Variants in NRG1 observed in about 807,000 individuals in gnomAD.
NRG1 encodes pro-neuregulin-1, membrane-bound isoform.
A neutral mutation model predicts 63.8 loss-of-function variants in NRG1; 18 were observed. That is an observed-to-expected ratio of 0.28 (90% confidence interval 0.19 to 0.42). The LOEUF (loss-of-function observed/expected upper bound fraction) is 0.42. NRG1 is among the 10% of genes least tolerant of loss of function. NRG1 has a pLI of 1.00. For synonymous variants in NRG1, 302 were observed against 301.3 expected (o/e 1.00, Z -0.02); for missense variants, 762 against 814.7 (o/e 0.94, Z 0.79).
chr8:32,091,082 A>G (rs1363976365), intron 1 of NRG1, among the ~76,000 whole-genome samples: 1 of 152,142 alleles, frequency 6.6e-6, no homozygotes, highest in Non-Finnish European at 1.5e-5. Context: ...GATCGAGACC[A>G]TCCTGGCTAA....
At chr8:32,339,810 T>TGTTGGA (rs1376411131) in intron 1 of NRG1, among the ~76,000 whole-genome samples, 15 of 152,300 alleles carry the variant, frequency 9.8e-5, no homozygotes, top group African/African-American at 3.6e-4. Flanking sequence ...CTCAGCTGGT[T>TGTTGGA]GTTGGAGGTT....
intron 1 of NRG1, among the ~76,000 whole-genome samples, chr8:32,401,543 A>G (rs1813204454): frequency 6.6e-6 from 1 of 152,138 alleles, no homozygotes; most frequent in Non-Finnish European, 1.5e-5. Flanking sequence ...ATTCGATGAA[A>G]TAGGCTGAAT....
At chr8:31,844,046 A>C (rs986487701) in intron 1 of NRG1, among the ~76,000 whole-genome samples, 1 of 152,324 alleles carries the variant, frequency 6.6e-6, no homozygotes, top group Non-Finnish European at 1.5e-5. Context: ...CCCAACAGCC[A>C]TATGATGTTG....
chr8:32,054,511 G>T (rs967125654), intron 1 of NRG1, among the ~76,000 whole-genome samples: 1 of 152,184 alleles, frequency 6.6e-6, no homozygotes, highest in African/African-American at 2.4e-5. Flanking sequence ...ACCCAAATGC[G>T]TATGTTAATC....
rs371888069 is a variant in NRG1 at position 32,540,364 on chromosome 8, T to C, written c.38-55464T>C. ...ATAAGAATCCTAGTATGTTGCTGAC[T>C]CTCAGCACTCTGCTTATTATTATGA... On this transcript the variant is annotated intron_variant, in intron 1 of 10. Coordinates refer to the NRG1 transcript ENST00000519301. Among the ~76,000 whole-genome samples, 5 of 152,334 alleles carry C rather than the reference T, an allele frequency of 3.3e-5. No homozygotes were observed. The East Asian group carries it at 7.7e-4, about 24-fold the overall frequency.
At chr8:31,827,421 C>T (rs958415356) in intron 1 of NRG1, among the ~76,000 whole-genome samples, 8 of 151,912 alleles carry the variant, frequency 5.3e-5, no homozygotes, top group African/African-American at 1.9e-4. Flanking sequence ...GTGAGGTGAT[C>T]CTCTCCTTCT....
intron 1 of NRG1, among the ~76,000 whole-genome samples, chr8:32,215,919 T>G (rs1845176995): frequency 6.6e-6 from 1 of 151,866 alleles, no homozygotes. Flanking sequence ...TGTGTGCCTG[T>G]AGTCCCAGCT....
chr8:32,725,964 A>G (rs929322590), intron 5 of NRG1, among the ~76,000 whole-genome samples: 1 of 152,192 alleles, frequency 6.6e-6, no homozygotes, highest in African/African-American at 2.4e-5. Context: ...CTTAATGAAG[A>G]TGTTAAAGTA....
intron 3 of NRG1, among the ~76,000 whole-genome samples, chr8:32,606,356 G>A (rs539992018): frequency 2.8e-4 from 43 of 151,924 alleles, no homozygotes; most frequent in Admixed American, 8.5e-4. Context: ...AATTAGGACC[G>A]TCTTAGAGGC....
At chr8:31,927,847 CT>C (rs1283920440) in intron 1 of NRG1, among the ~76,000 whole-genome samples, 2 of 150,364 alleles carry the variant, frequency 1.3e-5, no homozygotes, top group African/African-American at 4.9e-5. Context: ...TTGAGTATTT[CT>C]TTTTTTAAAA....
intron 1 of NRG1, among the ~76,000 whole-genome samples, chr8:31,687,863 C>T (rs1809066895): frequency 6.6e-6 from 1 of 152,220 alleles, no homozygotes; most frequent in African/African-American, 2.4e-5. Context: ...TGTCACCTCC[C>T]ACCCACCAGA....
chr8:32,480,831 A>T (rs1825174258), intron 1 of NRG1, among the ~76,000 whole-genome samples: 2 of 152,120 alleles, frequency 1.3e-5, no homozygotes, highest in African/African-American at 4.8e-5. Flanking sequence ...TCAGAGCAAG[A>T]ACTCACTCAT....
intron 2 of NRG1, among the ~76,000 whole-genome samples, chr8:32,600,807 T>C (rs910653974): frequency 8.5e-5 from 13 of 152,254 alleles, no homozygotes; most frequent in African/African-American, 2.9e-4. Flanking sequence ...TTAATATTTT[T>C]AGAAAATAAA....
intron 1 of NRG1, among the ~76,000 whole-genome samples, chr8:31,981,054 T>C (rs917884119): frequency 1.3e-5 from 2 of 152,050 alleles, no homozygotes; most frequent in Non-Finnish European, 2.9e-5. Flanking sequence ...GGTTTAGAAA[T>C]CTGTAGAGTG....
intron 1 of NRG1, chr8:32,440,695 T>C (rs1413372982): frequency 6.6e-6 from 1 of 152,122 alleles, no homozygotes; most frequent in African/African-American, 2.4e-5. Context: ...GTTTCCATGG[T>C]GATGAATTAT....
chr8:32,165,766 A>G (rs1168843992), intron 1 of NRG1, among the ~76,000 whole-genome samples: 3 of 152,150 alleles, frequency 2.0e-5, no homozygotes, highest in Non-Finnish European at 2.9e-5. Context: ...ATCCCTTATC[A>G]TAGTGTCTGG....
At chr8:32,582,053 A>G (rs116141553) in intron 1 of NRG1, among the ~76,000 whole-genome samples, 462 of 59,814 alleles carry the variant, frequency 7.7e-3, no homozygotes, top group African/African-American at 0.02. Flanking sequence ...AGCTTTAAAT[A>G]ATCTAACCAT....
At chr8:32,348,446 G>A (rs923814081) in intron 1 of NRG1, among the ~76,000 whole-genome samples, 2 of 152,140 alleles carry the variant, frequency 1.3e-5, no homozygotes, top group African/African-American at 4.8e-5. Context: ...AGAAGCTAAA[G>A]CCATATTTTT....
chr8:31,742,454 A>ATTTTTTTTTT (rs1563349398), intron 1 of NRG1, among the ~76,000 whole-genome samples: 2 of 43,260 alleles, frequency 4.6e-5, no homozygotes, highest in African/African-American at 1.6e-4. Context: ...CTTTTTTAAG[A>ATTTTTTTTTT]ATTTTTTTTT....
Sources: gnomAD v4.1 joint callset for allele counts (sites outside exome capture counted in the v4.1 genomes callset) on GRCh38, gnomAD v4.1.1 for gene constraint, MANE v1.5 for transcripts, NCBI Gene and HGNC (gene_info 2026-07-23, HGNC 2026-07-21) for gene names.